Variants in GCNT1 observed in about 807,000 individuals in gnomAD.
GCNT1 encodes glucosaminyl (N-acetyl) transferase 1.
In GCNT1, 16 loss-of-function variants were observed where a neutral mutation model predicts 26.2. The ratio of observed to expected loss-of-function variants is 0.61; its 90% confidence interval spans 0.41 to 0.93. GCNT1 has a LOEUF of 0.93. Among genes scored for constraint, GCNT1 ranks in the 40% least tolerant of loss-of-function variants. The pLI is 0.00. For synonymous variants in GCNT1, 183 were observed against 190.8 expected, an observed-to-expected ratio of 0.96 and a Z score of 0.34; for missense variants, 477 against 526.7, an observed-to-expected ratio of 0.91 and a Z score of 0.92.
At chr9:76,404,720 C>G in the GCNT1 span, among the ~76,000 whole-genome samples, 1 of 152,158 alleles carries the variant, frequency 6.6e-6, no homozygotes, top group Non-Finnish European at 1.5e-5. Context: ...CTGAAGTATC[C>G]TGGACATTTC....
At position 76,421,621 on chromosome 9, in the gene GCNT1, AAC is replaced by A. The variant is rs796235293; in HGVS notation, n.38+1735_38+1736del. The stretch of plus-strand genomic sequence containing the variant: ...GTCTCAAAAAAAAAAAAAAAAAAAA[AAC>A]CACAACAAAAAACAACCCACACAAT... On this transcript the variant is annotated intron_variant and non_coding_transcript_variant, in intron 1 of 3. Coordinates refer to the GCNT1 transcript ENST00000488136. 1.4e-3 allele frequency among the ~76,000 whole-genome samples: 205 copies of A among 147,198 alleles called. 3 individuals carry two copies. In the South Asian group the frequency reaches 0.015, roughly 11 times the overall value.
At chr9:76,451,123 C>G (rs1172106967) in intron 1 of GCNT1, among the ~76,000 whole-genome samples, 1 of 152,216 alleles carries the variant, frequency 6.6e-6, no homozygotes, top group Non-Finnish European at 1.5e-5. Context: ...TAGTACCTTA[C>G]TCTTTTATGT....
At chr9:76,477,552 A>G (rs928449522) in intron 2 of GCNT1, among the ~76,000 whole-genome samples, 2 of 151,894 alleles carry the variant, frequency 1.3e-5, no homozygotes, top group African/African-American at 4.8e-5. Context: ...CTTCCATGTA[A>G]CATTCTTCAT....
chr9:76,436,226 A>G (rs1305717826), intron 1 of GCNT1, among the ~76,000 whole-genome samples: 1 of 152,038 alleles, frequency 6.6e-6, no homozygotes, highest in African/African-American at 2.4e-5. Context: ...ATAAGAAAAC[A>G]TCTGTGTAAC....
At chr9:76,450,631 T>C (rs779467307) in intron 1 of GCNT1, among the ~76,000 whole-genome samples, 11 of 152,240 alleles carry the variant, frequency 7.2e-5, no homozygotes, top group Non-Finnish European at 1.5e-4. Context: ...GTAGTTTTAA[T>C]TTGCTTTTCT....
At chr9:76,499,999 A>G (rs1408382789) in intron 2 of GCNT1, among the ~76,000 whole-genome samples, 1 of 152,070 alleles carries the variant, frequency 6.6e-6, no homozygotes, top group Non-Finnish European at 1.5e-5. Context: ...TAGTTCTTTG[A>G]ACATATTTAT....
the GCNT1 span, among the ~76,000 whole-genome samples, chr9:76,413,671 T>TTTG: frequency 7.1e-6 from 1 of 140,106 alleles, no homozygotes; most frequent in Non-Finnish European, 1.6e-5. Flanking sequence ...TTTTTTTGTT[T>TTTG]TTTTTTTTTT....
At chr9:76,456,760 C>T (rs1025529915), upstream of GCNT1, among the ~76,000 whole-genome samples, 1 of 152,128 alleles carries the variant, frequency 6.6e-6, no homozygotes, top group African/African-American at 2.4e-5. Flanking sequence ...ATCGCTTGAG[C>T]GTGGGAGTTC....
upstream of GCNT1, among the ~76,000 whole-genome samples, chr9:76,417,765 G>A (rs1490364630): frequency 6.6e-6 from 1 of 152,094 alleles, no homozygotes; most frequent in South Asian, 2.1e-4. Context: ...TATCACTTTT[G>A]TAGGCCATTA....
chr9:76,408,000 A>G, the GCNT1 span, among the ~76,000 whole-genome samples: 1 of 152,178 alleles, frequency 6.6e-6, no homozygotes, highest in East Asian at 1.9e-4. Context: ...ATACTTATTT[A>G]TTAGTTCCAG....
At chr9:76,458,535 G>A (rs1291226839), upstream of GCNT1, among the ~76,000 whole-genome samples, 1 of 152,026 alleles carries the variant, frequency 6.6e-6, no homozygotes, top group Non-Finnish European at 1.5e-5. Flanking sequence ...TGTTTTCTAG[G>A]AGCTAAAAAT....
At chr9:76,467,264 A>C (rs6560525) in intron 2 of GCNT1, among the ~76,000 whole-genome samples, 1 of 151,916 alleles carries the variant, frequency 6.6e-6, no homozygotes, top group Admixed American at 6.6e-5. Flanking sequence ...GGATGGTCTC[A>C]ATCTCCTGAC....
chr9:76,456,612 C>A (rs1823761509), upstream of GCNT1, among the ~76,000 whole-genome samples: 1 of 152,214 alleles, frequency 6.6e-6, no homozygotes, highest in Non-Finnish European at 1.5e-5. Context: ...TGATACACCC[C>A]TAAGCATTCC....
the GCNT1 span, among the ~76,000 whole-genome samples, chr9:76,405,875 A>G: frequency 6.6e-6 from 1 of 152,340 alleles, no homozygotes; most frequent in Non-Finnish European, 1.5e-5. Context: ...TTTTGTGTGA[A>G]TATAGGTTTT....
upstream of GCNT1, among the ~76,000 whole-genome samples, chr9:76,415,122 G>A (rs1477654113): frequency 1.3e-5 from 2 of 151,884 alleles, no homozygotes; most frequent in African/African-American, 4.8e-5. Context: ...GCAGTGACAC[G>A]ATCATGTCTT....
intron 2 of GCNT1, among the ~76,000 whole-genome samples, chr9:76,484,370 A>T (rs1486955647): frequency 1.5e-5 from 2 of 131,828 alleles, no homozygotes; most frequent in Non-Finnish European, 3.1e-5. Context: ...ACCCTGTCTT[A>T]AAAAAAAAAA....
At chr9:76,482,720 T>C (rs543118514) in intron 2 of GCNT1, among the ~76,000 whole-genome samples, 3 of 151,956 alleles carry the variant, frequency 2.0e-5, no homozygotes, top group East Asian at 3.9e-4. Context: ...TCATGGCTCA[T>C]TGCAGCCTCA....
the GCNT1 span, among the ~76,000 whole-genome samples, chr9:76,401,130 G>A: frequency 6.6e-6 from 1 of 152,182 alleles, no homozygotes; most frequent in Non-Finnish European, 1.5e-5. Flanking sequence ...CATTATAACT[G>A]GACTACAGTC....
In GCNT1 at chr9:76,497,224, G is replaced by T. The variant is rs369198861; in HGVS notation, c.-289-3692G>T. 1.7e-4 allele frequency among the ~76,000 whole-genome samples: 26 copies of T among 152,258 alleles called. No homozygotes were observed. The South Asian group carries it at 3.7e-3, about 22-fold the overall frequency. ...ATTTTGGTATTTATTCCTTGTGTGG[G>T]TGTGTAATTTTTGGTAAAGTTGCAT... On this transcript the variant is annotated intron_variant, in intron 2 of 3. Coordinates refer to ENST00000376730, the MANE Select transcript of GCNT1 (RefSeq NM_001490.5).
Sources: gnomAD v4.1 joint callset for allele counts (sites outside exome capture counted in the v4.1 genomes callset) on GRCh38, gnomAD v4.1.1 for gene constraint, MANE v1.5 for transcripts, NCBI Gene and HGNC (gene_info 2026-07-23, HGNC 2026-07-21) for gene names.